Variants in PAX5 observed in about 807,000 individuals in gnomAD.
PAX5 encodes paired box protein Pax-5.
In PAX5, 9 loss-of-function variants were observed where a neutral mutation model predicts 43.7. The observed-to-expected ratio is 0.21, with a 90% CI of 0.12 to 0.36. The LOEUF (loss-of-function observed/expected upper bound fraction) is 0.36, where lower values mean the gene tolerates loss of function less well. PAX5 is among the 10% of genes least tolerant of loss of function. PAX5 has a pLI of 1.00. For missense variants in PAX5, 383 were observed against 532.7 expected, an observed-to-expected ratio of 0.72 and a Z score of 2.77; for synonymous variants, 228 against 214.3, an observed-to-expected ratio of 1.06 and a Z score of -0.56.
intron 8 of PAX5, among the ~76,000 whole-genome samples, chr9:36,874,669 T>G (rs1296065834): frequency 6.6e-6 from 1 of 152,188 alleles, no homozygotes; most frequent in African/African-American, 2.4e-5. Flanking sequence ...GCAGACCCAC[T>G]GTATTCGGAG....
At chr9:36,994,085 C>T (rs987826192) in intron 5 of PAX5, among the ~76,000 whole-genome samples, 1 of 152,180 alleles carries the variant, frequency 6.6e-6, no homozygotes, top group Non-Finnish European at 1.5e-5. Flanking sequence ...GAAACCTGAG[C>T]CCCCACCCGT....
At position 36,837,906 on chromosome 9, in the gene PAX5, T is replaced by TC. The variant is rs1469060773; in HGVS notation, c.*2653dup. ...GCAGCTGGTTCAGGGGAGGCTGACC[T>TC]CCTCCCAACAGCCTGGAACCACAAG... On this transcript the variant is annotated 3_prime_UTR_variant, in exon 10 of 10. Coordinates refer to ENST00000358127, the MANE Select transcript of PAX5 (RefSeq NM_016734.3). 4.3e-6 allele frequency: 1 copy of TC among 233,064 alleles called. No homozygotes were observed. Among genetic ancestry groups the TC allele is most frequent in the Non-Finnish European group, 8.5e-6 (1 of 118,052 alleles). 14.4% of individuals were successfully genotyped at this position (233,064 alleles called of 1,614,324 possible). A position where few individuals can be genotyped will look rare whatever the true frequency, so the allele number is the denominator to read the frequency against.
At chr9:36,970,732 G>A (rs971276174) in intron 5 of PAX5, among the ~76,000 whole-genome samples, 3 of 152,100 alleles carry the variant, frequency 2.0e-5, no homozygotes, top group African/African-American at 7.2e-5. Flanking sequence ...CACGGGCATT[G>A]TTCTCCAGAC....
chr9:36,913,666 G>A (rs113862855), intron 7 of PAX5, among the ~76,000 whole-genome samples: 2 of 152,346 alleles, frequency 1.3e-5, no homozygotes, highest in African/African-American at 4.8e-5. Context: ...TGGTAGAGCA[G>A]GTGTTTAACT....
At position 36,852,169 on chromosome 9, in the gene PAX5, T is replaced by C. The variant is rs374518533; in HGVS notation, c.1013-5240A>G. Reference sequence around the variant, plus strand: ...GGTGGGGACTAGGTACCTTCTCTCATTGAGAGAGAACAAACTCAGAAATTC... The same window carrying C: ...GGTGGGGACTAGGTACCTTCTCTCACTGAGAGAGAACAAACTCAGAAATTC... On this transcript the variant is annotated intron_variant, in intron 8 of 9. Transcript: ENST00000358127. 1.8e-4 allele frequency among the ~76,000 whole-genome samples: 27 copies of C among 152,270 alleles called. No homozygotes were observed. In the East Asian group the frequency reaches 4.6e-3, roughly 26 times the overall value.
chr9:36,899,561 C>G (rs1016640224), intron 7 of PAX5, among the ~76,000 whole-genome samples: 2 of 152,072 alleles, frequency 1.3e-5, no homozygotes, highest in African/African-American at 4.8e-5. Flanking sequence ...TGAGCCCAAT[C>G]GGTGTTACTT....
rs1821479275 is a variant in PAX5 at position 36,834,214 on chromosome 9, C to T, written c.*6346G>A. Reference sequence around the variant, plus strand: ...GAAGTGGGGCCCAGGCAACGCCAGGCCCTCACTGCCCGCCACCCTCTGTTG... The same window carrying T: ...GAAGTGGGGCCCAGGCAACGCCAGGTCCTCACTGCCCGCCACCCTCTGTTG... On this transcript the variant is annotated 3_prime_UTR_variant, in exon 10 of 10. Transcript: ENST00000358127. 1 of 233,194 alleles carries T rather than the reference C, an allele frequency of 4.3e-6. No homozygotes were observed. The highest frequency in any genetic ancestry group is 5.6e-5 in the Admixed American group (1 of 17,784). The allele number at this position is 233,194 out of a possible 1,614,324, so 14.4% of individuals were successfully genotyped here.
At chr9:36,990,127 A>T (rs1836798109) in intron 5 of PAX5, among the ~76,000 whole-genome samples, 1 of 152,176 alleles carries the variant, frequency 6.6e-6, no homozygotes, top group Admixed American at 6.5e-5. Flanking sequence ...TTTTTCAAGC[A>T]GTGGGAAGAG....
chr9:36,953,834 G>A (rs7873722), intron 6 of PAX5, among the ~76,000 whole-genome samples: 110,161 of 151,998 alleles, frequency 0.72, 40,341 homozygotes, highest in South Asian at 0.83. Context: ...GTACTTTGGG[G>A]GGCCAAGGCA....
At chr9:36,996,383 T>A (rs368075198) in intron 5 of PAX5, among the ~76,000 whole-genome samples, 4 of 152,380 alleles carry the variant, frequency 2.6e-5, no homozygotes, top group African/African-American at 9.6e-5. Flanking sequence ...AGTAACTCGC[T>A]ACAAGAAGTC....
intron 1 of PAX5, among the ~76,000 whole-genome samples, chr9:37,026,110 C>A (rs776117803): frequency 6.6e-6 from 1 of 152,266 alleles, no homozygotes; most frequent in Non-Finnish European, 1.5e-5. Context: ...CTCCAAGCGC[C>A]AGTCTGGATC....
At chr9:36,940,846 G>A (rs528337287) in intron 6 of PAX5, among the ~76,000 whole-genome samples, 2 of 152,288 alleles carry the variant, frequency 1.3e-5, no homozygotes, top group South Asian at 4.1e-4. Flanking sequence ...AGCAGTGCCA[G>A]GCACCCGGCA....
At chr9:37,001,941 T>G (rs1157480351) in intron 5 of PAX5, among the ~76,000 whole-genome samples, 1 of 151,072 alleles carries the variant, frequency 6.6e-6, no homozygotes, top group East Asian at 2.0e-4. Flanking sequence ...GAGCCCCAGT[T>G]AAGGTGTCCG....
chr9:36,881,677 T>C (rs1278871348), intron 8 of PAX5, among the ~76,000 whole-genome samples: 4 of 151,714 alleles, frequency 2.6e-5, no homozygotes, highest in East Asian at 1.9e-4. Context: ...GGAGGGAAGG[T>C]TGGGGAGAAG....
rs540233156 is a variant in PAX5 at position 36,960,273 on chromosome 9, G to A, written c.780+6276C>T. ...AAGTAATAACTGTAGTACCTGTCACGAAACACGCTCAGAGCCTCACCTGGG... is the reference window on the plus strand; with the variant it reads ...AAGTAATAACTGTAGTACCTGTCACAAAACACGCTCAGAGCCTCACCTGGG... On this transcript the variant is annotated intron_variant, in intron 6 of 9. Transcript: ENST00000358127. 9.2e-5 allele frequency among the ~76,000 whole-genome samples: 14 copies of A among 152,302 alleles called. No homozygotes were observed. In the South Asian group the frequency reaches 2.9e-3, roughly 32 times the overall value.
At chr9:36,881,692 G>C (rs1360617794) in intron 8 of PAX5, among the ~76,000 whole-genome samples, 1 of 151,904 alleles carries the variant, frequency 6.6e-6, no homozygotes, top group East Asian at 1.9e-4. Context: ...GAGAAGGCTC[G>C]CTCCACACCG....
rs60718071 is a variant in PAX5 at position 37,021,388 on chromosome 9, T to A, written c.47-587A>T. Among the ~76,000 whole-genome samples the A allele has an allele frequency of 7.1e-3, 1,085 of 152,194 alleles. 17 individuals carry two copies. Among genetic ancestry groups the A allele is most frequent in the African/African-American group, 0.024 (1,010 of 41,502 alleles). ...ACAACCATTGCCTTGTTTAAAACCC[T>A]CCCTTTAAGAAGGTGAGGTTGACAT... is the stretch of plus-strand genomic sequence containing the variant. On this transcript the variant is annotated intron_variant, in intron 1 of 9. Coordinates refer to ENST00000358127, the MANE Select transcript of PAX5 (RefSeq NM_016734.3).
Position 37,014,986 on chromosome 9 carries a change from G to C in PAX5, c.410+11C>G, listed in dbSNP as rs369163729. The C allele has an allele frequency of 6.2e-7, 1 of 1,611,256 alleles. No homozygotes were observed. Among genetic ancestry groups the C allele is most frequent in the Non-Finnish European group, 8.5e-7 (1 of 1,178,084 alleles). On this transcript the variant is annotated intron_variant, in intron 3 of 9. Coordinates refer to ENST00000358127, the MANE Select transcript of PAX5 (RefSeq NM_016734.3). ...CCAAATCCCCAACCCCCACAGGCAC[G>C]AGCCCCTCACCTGTTGATGGAACTG... is the stretch of plus-strand genomic sequence containing the variant.
Position 36,894,725 on chromosome 9 carries a change from G to T in PAX5, c.911-12620C>A, listed in dbSNP as rs1325621262. 2.0e-5 allele frequency among the ~76,000 whole-genome samples: 3 copies of T among 152,242 alleles called. No homozygotes were observed. In the South Asian group the frequency reaches 6.2e-4, roughly 31 times the overall value. ...CCAGCACAGAGTGAACACTCAGTAAGGCCACCATTGTTAACCGTGCCTCCT... is the reference window on the plus strand; with the variant it reads ...CCAGCACAGAGTGAACACTCAGTAATGCCACCATTGTTAACCGTGCCTCCT... On this transcript the variant is annotated intron_variant, in intron 7 of 9. Coordinates refer to ENST00000358127, the MANE Select transcript of PAX5 (RefSeq NM_016734.3).
Sources: allele counts gnomAD v4.1 joint callset (sites outside exome capture counted in the v4.1 genomes callset), GRCh38; gene constraint gnomAD v4.1.1; transcripts MANE v1.5; gene names NCBI Gene and HGNC (gene_info 2026-07-23, HGNC 2026-07-21).